LIFR: variants seen among roughly 807,000 people sequenced by gnomAD.
LIFR encodes the protein leukemia inhibitory factor receptor.
LIFR carries 84 observed loss-of-function variants against 122.2 expected under a neutral mutation model. The ratio of observed to expected loss-of-function variants is 0.69; its 90% CI spans 0.58 to 0.82. LIFR has a LOEUF of 0.82. Ranked by LOEUF, LIFR falls within the 40% of genes least tolerant of loss-of-function variation. The pLI, the probability that LIFR is intolerant of heterozygous loss-of-function variation, is 0.00. For synonymous variants in LIFR, 422 were observed against 434.7 expected (o/e 0.97, Z 0.36); for missense variants, 1,294 against 1,311.6 (o/e 0.99, Z 0.21).
At chr5:38,490,130 C>A (rs1744502794) in intron 15 of LIFR, 60 bp downstream of exon 15, 4 of 679,640 alleles carry the variant, frequency 5.9e-6, no homozygotes, top group Non-Finnish European at 7.6e-6. Context: ...ACCATTGTTG[C>A]CAATTTATAA....
chr5:38,559,391 A>G (rs781697051), upstream of LIFR, among the ~76,000 whole-genome samples: 13 of 152,242 alleles, frequency 8.5e-5, no homozygotes, highest in Non-Finnish European at 1.6e-4. Flanking sequence ...GCTGTCAAGA[A>G]TAAATTTTTC....
upstream of LIFR, among the ~76,000 whole-genome samples, chr5:38,559,622 A>G (rs945619144): frequency 3.9e-5 from 6 of 152,266 alleles, no homozygotes. Context: ...CTTATATTGC[A>G]TAATACAACG....
At chr5:38,598,875 G>A (rs1750173088), upstream of LIFR, among the ~76,000 whole-genome samples, 1 of 152,196 alleles carries the variant, frequency 6.6e-6, no homozygotes. Flanking sequence ...GGTGCATACT[G>A]AAACCTCAAT....
intron 1 of LIFR, among the ~76,000 whole-genome samples, chr5:38,533,809 C>CA (rs1184489397): frequency 6.6e-6 from 1 of 152,142 alleles, no homozygotes; most frequent in Non-Finnish European, 1.5e-5. Flanking sequence ...CTGAGGCCTC[C>CA]AGCCTTGTGT....
chr5:38,594,492 A>G (rs762364008), intron 1 of LIFR, among the ~76,000 whole-genome samples: 18 of 152,196 alleles, frequency 1.2e-4, no homozygotes, highest in Non-Finnish European at 2.2e-4. Flanking sequence ...ATCAATTGCA[A>G]CAAATGTACC....
intron 1 of LIFR, among the ~76,000 whole-genome samples, chr5:38,576,939 A>G (rs1031686455): frequency 6.6e-6 from 1 of 152,234 alleles, no homozygotes; most frequent in African/African-American, 2.4e-5. Flanking sequence ...AAGTGCTCAC[A>G]TAAGCAAAAC....
chr5:38,543,134 G>T, intron 1 of LIFR, among the ~76,000 whole-genome samples: 1 of 151,924 alleles, frequency 6.6e-6, no homozygotes, highest in East Asian at 1.9e-4. Context: ...ACATGAAAAT[G>T]ACGTGAAACC....
intron 1 of LIFR, among the ~76,000 whole-genome samples, chr5:38,607,043 T>G (rs1382723793): frequency 6.6e-6 from 1 of 152,234 alleles, no homozygotes; most frequent in Non-Finnish European, 1.5e-5. Context: ...GTTCCTAAAG[T>G]CTTAGGGAAC....
chr5:38,484,989 G>A (rs1744205711), intron 17 of LIFR, 121 bp from the exon 18 acceptor site: 1 of 689,538 alleles, frequency 1.5e-6, no homozygotes, highest in Non-Finnish European at 2.7e-6. Context: ...ATTAACTGCT[G>A]CAGGGACACT....
At chr5:38,482,483 C>T in intron 19 of LIFR, 106 bp downstream of exon 19, 2 of 703,764 alleles carry the variant, frequency 2.8e-6, no homozygotes, top group Non-Finnish European at 4.8e-6. Flanking sequence ...ATAATTTTCC[C>T]AATACTTTTT....
chr5:38,506,054 C>G lies in LIFR; in HGVS notation c.1142G>C (p.Arg381Thr). Reference sequence around the variant, plus strand: ...TGTAGGTGCTTCAGCTCTTTTAAGTCTAACATATTTTCCTGAAAAACTGTT... The same window carrying G: ...TGTAGGTGCTTCAGCTCTTTTAAGTGTAACATATTTTCCTGAAAAACTGTT... ...LVESFSGKYVRLKRAEAPTNE... is the reference protein window; with the variant it reads ...LVESFSGKYVTLKRAEAPTNE... Residue 381 changes from arginine to threonine, a missense_variant, in exon 9 of 20, where the codon AGA becomes ACA. By Grantham distance (71) the Arg-to-Thr change is moderately conservative. Coordinates refer to ENST00000453190, the MANE Select transcript of LIFR (RefSeq NM_001127671.2). 1 of 1,597,504 alleles carries G rather than the reference C, an allele frequency of 6.3e-7. No homozygotes were observed. Among genetic ancestry groups the G allele is most frequent in the Non-Finnish European group, 8.5e-7 (1 of 1,169,634 alleles).
At chr5:38,527,075 T>C in intron 4 of LIFR, 80 bp downstream of exon 4, 1 of 1,302,518 alleles carries the variant, frequency 7.7e-7, no homozygotes. Flanking sequence ...CACATGAAAT[T>C]CAAAAAACTA....
At chr5:38,564,528 G>T (rs1194725475) in intron 1 of LIFR, among the ~76,000 whole-genome samples, 2 of 151,668 alleles carry the variant, frequency 1.3e-5, no homozygotes, top group African/African-American at 4.8e-5. Flanking sequence ...CCCATGACTG[G>T]ATTCTCATAC....
intron 1 of LIFR, chr5:38,608,112 A>C (rs1750368794): frequency 6.6e-6 from 1 of 152,020 alleles, no homozygotes; most frequent in South Asian, 2.1e-4. Flanking sequence ...GGGGAAAAGG[A>C]GGTAGAGACA....
chr5:38,595,997 A>G (rs2071235), upstream of LIFR, among the ~76,000 whole-genome samples: 1,389 of 151,962 alleles, frequency 9.1e-3, 122 homozygotes, highest in East Asian at 0.2. Context: ...CGGCCTCCCA[A>G]AGTGCTGGGA....
chr5:38,486,240 G>C (rs1015991748), intron 16 of LIFR, among the ~76,000 whole-genome samples: 5 of 152,150 alleles, frequency 3.3e-5, no homozygotes, highest in Non-Finnish European at 5.9e-5. Context: ...TAAGCTGTTT[G>C]AAGTTTTCAC....
intron 17 of LIFR, chr5:38,485,574 C>A (rs945192837): frequency 1.8e-6 from 1 of 564,238 alleles, no homozygotes; most frequent in Non-Finnish European, 3.2e-6. Flanking sequence ...GACCTCTAGA[C>A]TTCAGATGTA....
At chr5:38,500,227 C>T (rs2112446861) in intron 11 of LIFR, among the ~76,000 whole-genome samples, 2 of 152,206 alleles carry the variant, frequency 1.3e-5, no homozygotes, top group Middle Eastern at 6.8e-3. Context: ...ATTTCTAGTC[C>T]TGGATCCTAC....
At chr5:38,590,181 A>G (rs565605134) in intron 1 of LIFR, among the ~76,000 whole-genome samples, 6 of 152,364 alleles carry the variant, frequency 3.9e-5, no homozygotes, top group Admixed American at 2.6e-4. Context: ...AATTATTTCC[A>G]CATGAGAACA....
Sources: allele counts gnomAD v4.1 joint callset (sites outside exome capture counted in the v4.1 genomes callset), GRCh38; gene constraint gnomAD v4.1.1; transcripts MANE v1.5; gene names NCBI Gene and HGNC (gene_info 2026-07-23, HGNC 2026-07-21).